The following RBFOX3 variants were observed in gnomAD, a reference collection of about 807,000 sequenced individuals.
RBFOX3 encodes RNA binding fox-1 homolog 3.
In RBFOX3, 17 loss-of-function variants were observed where a neutral mutation model predicts 48.7. That is an observed-to-expected ratio of 0.35 (90% CI 0.24 to 0.52). The LOEUF is 0.52. Ranked by LOEUF, RBFOX3 falls within the 20% of genes least tolerant of loss-of-function variation. The pLI is 0.94. For synonymous variants in RBFOX3, 212 were observed against 209.5 expected (o/e 1.01, Z -0.10); for missense variants, 382 against 497.5 (o/e 0.77, Z 2.21).
chr17:79,637,459 T>G, the RBFOX3 span, among the ~76,000 whole-genome samples: 1 of 151,878 alleles, frequency 6.6e-6, no homozygotes, highest in East Asian at 1.9e-4. Context: ...TTTGGGAGGC[T>G]GAGGGGGGTG....
At chr17:79,553,925 G>C (rs2091380957) in intron 1 of RBFOX3, among the ~76,000 whole-genome samples, 1 of 152,064 alleles carries the variant, frequency 6.6e-6, no homozygotes. Context: ...GTAGAGATAG[G>C]GTTTCACCAC....
chr17:79,215,037 G>A (rs576141821), intron 4 of RBFOX3, among the ~76,000 whole-genome samples: 1 of 152,258 alleles, frequency 6.6e-6, no homozygotes, highest in East Asian at 1.9e-4. Flanking sequence ...CAGGGCTTGG[G>A]GGAGTGACAT....
At chr17:79,164,140 A>G (rs1447486477) in intron 4 of RBFOX3, among the ~76,000 whole-genome samples, 1 of 152,126 alleles carries the variant, frequency 6.6e-6, no homozygotes, top group Non-Finnish European at 1.5e-5. Context: ...GAGGGAAAGA[A>G]TGGGCCAAGA....
At chr17:79,518,385 C>G (rs917957049) in intron 1 of RBFOX3, among the ~76,000 whole-genome samples, 3 of 152,168 alleles carry the variant, frequency 2.0e-5, no homozygotes, top group Non-Finnish European at 4.4e-5. Context: ...AGCGGGCAGG[C>G]GGGGATGGGG....
At chr17:79,222,337 C>T (rs1342007169) in intron 4 of RBFOX3, among the ~76,000 whole-genome samples, 1 of 152,218 alleles carries the variant, frequency 6.6e-6, no homozygotes, top group African/African-American at 2.4e-5. Context: ...CAAACATTTC[C>T]CAGCTCTGCC....
intron 4 of RBFOX3, among the ~76,000 whole-genome samples, chr17:79,182,508 T>G (rs1271663035): frequency 6.6e-6 from 1 of 152,024 alleles, no homozygotes; most frequent in Non-Finnish European, 1.5e-5. Context: ...CCGCATTGGG[T>G]GGCAGCGCAG....
At chr17:79,517,462 C>CAA (rs1334204513) in intron 1 of RBFOX3, among the ~76,000 whole-genome samples, 63 of 125,872 alleles carry the variant, frequency 5.0e-4, no homozygotes, top group African/African-American at 1.8e-3. Flanking sequence ...AAAAAAAAAA[C>CAA]AAACAAAAAC....
chr17:79,544,597 C>A (rs368395433), intron 1 of RBFOX3, among the ~76,000 whole-genome samples: 1 of 151,962 alleles, frequency 6.6e-6, no homozygotes, highest in Non-Finnish European at 1.5e-5. Flanking sequence ...CCTGCCAACC[C>A]TGACACCTGC....
At chr17:79,329,623 T>C (rs1004911771) in intron 2 of RBFOX3, among the ~76,000 whole-genome samples, 1 of 152,046 alleles carries the variant, frequency 6.6e-6, no homozygotes. Flanking sequence ...AGCAATACCC[T>C]CTGGTCCATG....
intron 3 of RBFOX3, among the ~76,000 whole-genome samples, chr17:79,269,759 TCTTTCCTTGCC>T (rs2067342326): frequency 6.6e-6 from 1 of 152,126 alleles, no homozygotes; most frequent in African/African-American, 2.4e-5. Flanking sequence ...CAACACCCTG[TCTTTCCTTGCC>T]ATTAGCATTT....
rs559730113 is a variant in RBFOX3, at chr17:79,397,471, C to A, written c.-175+84983G>T. Among the ~76,000 whole-genome samples, 171 of 150,214 alleles carry A rather than the reference C, an allele frequency of 1.1e-3. 1 individual carries two copies. The South Asian group carries it at 0.021, about 18-fold the overall frequency. ...TAATGCCACTGCCCTCCAGCCTGGG[C>A]AACAGAGGAGGACTCCATCCCCAAA... On this transcript the variant is annotated intron_variant, in intron 2 of 14. Coordinates refer to ENST00000693108, the MANE Select transcript of RBFOX3 (RefSeq NM_001350451.2).
At chr17:79,149,209 T>C (rs1675273) in intron 4 of RBFOX3, among the ~76,000 whole-genome samples, 61,771 of 152,092 alleles carry the variant, frequency 0.41, 12,865 homozygotes, top group South Asian at 0.53. Flanking sequence ...AGGGATGGTG[T>C]TTCCAAATTA....
At chr17:79,491,561 C>T (rs1345609832) in intron 1 of RBFOX3, among the ~76,000 whole-genome samples, 10 of 151,916 alleles carry the variant, frequency 6.6e-5, no homozygotes, top group African/African-American at 2.4e-4. Flanking sequence ...CAGTCCCACC[C>T]ACATGGGAGA....
intron 4 of RBFOX3, among the ~76,000 whole-genome samples, chr17:79,120,130 A>G (rs1405783127): frequency 6.6e-6 from 1 of 151,980 alleles, no homozygotes; most frequent in Non-Finnish European, 1.5e-5. Flanking sequence ...ATCTCAGATG[A>G]CCTCATGTTG....
chr17:79,635,558 A>G, the RBFOX3 span, among the ~76,000 whole-genome samples: 2 of 152,162 alleles, frequency 1.3e-5, no homozygotes, highest in African/African-American at 2.4e-5. Flanking sequence ...GAATGGTTAA[A>G]TGCTGTGTAA....
rs927396534 is a variant in RBFOX3 at position 79,509,703 on chromosome 17, G to A, written c.-319-27105C>T. Among the ~76,000 whole-genome samples the A allele has an allele frequency of 1.5e-4, 23 of 151,666 alleles. No homozygotes were observed. In the South Asian group the frequency reaches 1.7e-3, roughly 11 times the overall value. ...TTCCCTCCGTCATCCATCAGCCGTC[G>A]CACCCCAGGCCCTCGGTGACAGCTG... On this transcript the variant is annotated intron_variant, in intron 1 of 14. Coordinates refer to ENST00000693108, the MANE Select transcript of RBFOX3 (RefSeq NM_001350451.2).
chr17:79,207,635 CT>C (rs1337180803), intron 4 of RBFOX3, among the ~76,000 whole-genome samples: 4 of 152,202 alleles, frequency 2.6e-5, no homozygotes, highest in Non-Finnish European at 4.4e-5. Flanking sequence ...GAACAGGAAA[CT>C]TTGGAACACG....
intron 13 of RBFOX3, among the ~76,000 whole-genome samples, chr17:79,095,071 G>C (rs1308051933): frequency 6.6e-6 from 1 of 152,148 alleles, no homozygotes; most frequent in Non-Finnish European, 1.5e-5. Context: ...CAGGGAGATG[G>C]AGCCGGGGCT....
chr17:79,360,493 G>A (rs72849695), intron 2 of RBFOX3, among the ~76,000 whole-genome samples: 1 of 152,042 alleles, frequency 6.6e-6, no homozygotes, highest in African/African-American at 2.4e-5. Flanking sequence ...CAGCAGGGAC[G>A]TGAACAGTTT....
Sources: allele counts gnomAD v4.1 joint callset (sites outside exome capture counted in the v4.1 genomes callset), GRCh38; gene constraint gnomAD v4.1.1; transcripts MANE v1.5; gene names NCBI Gene and HGNC (gene_info 2026-07-23, HGNC 2026-07-21).